Variants in ACACB observed in about 807,000 individuals in gnomAD.
ACACB encodes acetyl-CoA carboxylase beta.
A neutral mutation model predicts 278.8 loss-of-function variants in ACACB; 209 were observed. The observed-to-expected ratio is 0.75, with a 90% CI of 0.67 to 0.84. The LOEUF (loss-of-function observed/expected upper bound fraction) is 0.84. ACACB is among the 40% of genes least tolerant of loss of function. The probability of loss-of-function intolerance (pLI) is 0.00; values close to 1 mark genes in which losing one functional copy is unlikely to be tolerated. For synonymous variants in ACACB, 1,174 were observed against 1,285.6 expected, an observed-to-expected ratio of 0.91 and a Z score of 1.86; for missense variants, 2,850 against 3,269.0, an observed-to-expected ratio of 0.87 and a Z score of 3.13.
chr12:109,167,344 AG>A (rs2043943143), intron 3 of ACACB: 2 of 190,352 alleles, frequency 1.1e-5, no homozygotes, highest in African/African-American at 4.7e-5. Context: ...GCACTTTGGG[AG>A]GGTGAGGTGG....
chr12:109,180,920 A>G (rs2044444039), intron 11 of ACACB, among the ~76,000 whole-genome samples: 1 of 152,170 alleles, frequency 6.6e-6, no homozygotes, highest in Admixed American at 6.6e-5. Flanking sequence ...GGCCGTATTC[A>G]TTCTCTTAAT....
At chr12:109,151,853 T>G (rs2043384575) in intron 2 of ACACB, among the ~76,000 whole-genome samples, 1 of 152,234 alleles carries the variant, frequency 6.6e-6, no homozygotes, top group Non-Finnish European at 1.5e-5. Context: ...GGTGTTGTGC[T>G]TGGAGGTGGA....
At chr12:109,160,931 G>A (rs1409044781) in intron 2 of ACACB, among the ~76,000 whole-genome samples, 1 of 152,164 alleles carries the variant, frequency 6.6e-6, no homozygotes, top group Non-Finnish European at 1.5e-5. Flanking sequence ...TCTTTGTTGT[G>A]CTTTAGGTCA....
Position 109,168,088 on chromosome 12 carries a change from G to T in ACACB, c.925+54G>T, listed in dbSNP as rs376649368. ...TCACGCTCCATCCTTGCCTGCCCTC[G>T]CCTCCTTCCCCTGTGCCTAGGCAAG... On this transcript the variant is annotated intron_variant, in intron 4 of 52. Transcript: ENST00000338432. 3.9e-6 allele frequency: 6 copies of T among 1,556,428 alleles called. No individual in the cohort carries two copies. In the African/African-American group the frequency reaches 6.8e-5, roughly 18 times the overall value.
rs764191587 is a variant in ACACB, at chr12:109,254,244, C to G, written c.6076C>G (p.Pro2026Ala). The G allele has an allele frequency of 6.2e-7, 1 of 1,613,514 alleles. No homozygotes were observed. Among genetic ancestry groups the G allele is most frequent in the Non-Finnish European group, 8.5e-7 (1 of 1,179,672 alleles). Reference sequence around the variant, plus strand: ...TCACAGCCCTGTCCCTATCATCACACCCACTGACCCCATTGACAGAGAAAT... The same window carrying G: ...TCACAGCCCTGTCCCTATCATCACAGCCACTGACCCCATTGACAGAGAAAT... ...DNHSPVPIIT[P>A]TDPIDREIEF... Residue 2026 changes from proline to alanine, a missense_variant, in exon 44 of 53, where the codon CCC (proline) becomes GCC (alanine). This residue lies in a region of ACACB where 579 missense variants were observed against 684.6 expected (regional missense o/e 0.85). Transcript: ENST00000338432.
rs748095854 is a variant in ACACB at position 109,266,231 on chromosome 12, C to A, written c.7251-5C>A. 1 of 1,612,354 alleles carries A rather than the reference C, an allele frequency of 6.2e-7. No homozygotes were observed. Among genetic ancestry groups the A allele is most frequent in the South Asian group, 1.1e-5 (1 of 90,820 alleles). On this transcript the variant is annotated splice_region_variant and splice_polypyrimidine_tract_variant and intron_variant, in intron 52 of 52. Transcript: ENST00000338432. ...ATCCCAGCCCTCCTCTCACCTCCCCCACAGCCTGGTTGAAGAAAACCCCGA... is the reference window on the plus strand; with the variant it reads ...ATCCCAGCCCTCCTCTCACCTCCCCAACAGCCTGGTTGAAGAAAACCCCGA...
At chr12:109,201,891 CCT>C (rs2045345888) in intron 19 of ACACB, among the ~76,000 whole-genome samples, 190 bp downstream of exon 19, 1 of 152,162 alleles carries the variant, frequency 6.6e-6, no homozygotes, top group South Asian at 2.1e-4. Context: ...TACTCAGATC[CCT>C]CTCTGTGGCT....
intron 1 of ACACB, among the ~76,000 whole-genome samples, chr12:109,125,039 G>A (rs1218529959): frequency 6.6e-6 from 1 of 152,008 alleles, no homozygotes; most frequent in Non-Finnish European, 1.5e-5. Flanking sequence ...TCTACCACAC[G>A]ACTTTCCTCA....
chr12:109,140,436 C>T (rs2043095416), intron 2 of ACACB, among the ~76,000 whole-genome samples: 1 of 152,074 alleles, frequency 6.6e-6, no homozygotes, highest in African/African-American at 2.4e-5. Context: ...GCAGGCAGAT[C>T]ACTTGAGGTC....
chr12:109,263,586 A>G (rs2047437447), intron 49 of ACACB: 1 of 152,218 alleles, frequency 6.6e-6, no homozygotes. Flanking sequence ...GTATCAGGGT[A>G]ATGCTGATCT....
chr12:109,193,254 G>T (rs986360124), intron 15 of ACACB, among the ~76,000 whole-genome samples: 34 of 134,090 alleles, frequency 2.5e-4, no homozygotes, highest in Admixed American at 1.0e-3. Flanking sequence ...GTCTCGCTCT[G>T]TCACACAGGC....
rs778786924 is a variant in ACACB, at chr12:109,239,949, C to A, written c.4782C>A (p.Leu1594=). 6.2e-7 allele frequency: 1 copy of A among 1,614,174 alleles called. No homozygotes were observed. Among genetic ancestry groups the A allele is most frequent in the Non-Finnish European group, 8.5e-7 (1 of 1,180,012 alleles). The change falls in exon 35 of 53, where the codon CTC becomes CTA. Residue 1594 remains leucine, a synonymous_variant. Transcript: ENST00000338432. The stretch of plus-strand genomic sequence containing the variant: ...GCACCGACTGCAACCACATCTTCCT[C>A]AACTTCGTGCCCACTGTCATCATGG... ...SVRTDCNHIF[L]NFVPTVIMDP... is the part of the protein sequence containing the mutation.
At chr12:109,196,467 G>A (rs937923988) in intron 16 of ACACB, among the ~76,000 whole-genome samples, 3 of 152,106 alleles carry the variant, frequency 2.0e-5, no homozygotes, top group Admixed American at 6.6e-5. Flanking sequence ...GTCCTTAGAT[G>A]TCAGAAATGG....
chr12:109,246,584 C>T, intron 39 of ACACB, 136 bp downstream of exon 39: 1 of 1,053,344 alleles, frequency 9.5e-7, no homozygotes, highest in Non-Finnish European at 1.4e-6. Context: ...AGTGTATAAA[C>T]AGGCATACAG....
At chr12:109,124,870 A>G (rs192137107) in intron 1 of ACACB, among the ~76,000 whole-genome samples, 138 of 152,248 alleles carry the variant, frequency 9.1e-4, no homozygotes, top group African/African-American at 3.3e-3. Flanking sequence ...GCTCGCCACC[A>G]TGCCTGGCTA....
chr12:109,140,878 G>C (rs2043105491), intron 2 of ACACB, among the ~76,000 whole-genome samples: 1 of 135,614 alleles, frequency 7.4e-6, no homozygotes, highest in Non-Finnish European at 1.6e-5. Context: ...AAGAGACATT[G>C]ATTCATTCAT....
intron 1 of ACACB, among the ~76,000 whole-genome samples, chr12:109,119,898 AG>A (rs2042501742): frequency 6.6e-6 from 1 of 152,132 alleles, no homozygotes; most frequent in East Asian, 1.9e-4. Flanking sequence ...CCATCTCAGA[AG>A]AAAAAAAAAA....
intron 2 of ACACB, among the ~76,000 whole-genome samples, chr12:109,162,978 T>G (rs1259628368): frequency 6.6e-6 from 1 of 152,116 alleles, no homozygotes; most frequent in Admixed American, 6.6e-5. Context: ...GGCTGGAGTG[T>G]AATGGCACAA....
chr12:109,160,835 T>C (rs1253166067), intron 2 of ACACB, among the ~76,000 whole-genome samples: 1 of 152,212 alleles, frequency 6.6e-6, no homozygotes, highest in African/African-American at 2.4e-5. Flanking sequence ...GTGGCCTGCC[T>C]GATGGAGGGG....
Sources: gnomAD v4.1 joint callset for allele counts (sites outside exome capture counted in the v4.1 genomes callset) on GRCh38, gnomAD v4.1.1 for gene constraint, gnomAD v4.1.1 regional missense constraint, MANE v1.5 for transcripts, NCBI Gene and HGNC (gene_info 2026-07-23, HGNC 2026-07-21) for gene names.